PLIN3: variants seen among roughly 807,000 people sequenced by gnomAD.
The protein encoded by PLIN3 is perilipin 3.
PLIN3 carries 30 observed loss-of-function variants against 35.9 expected under a neutral mutation model. The observed-to-expected ratio is 0.84, with a 90% CI of 0.62 to 1.13. PLIN3 has a LOEUF of 1.13. PLIN3 is among the 50% of genes most tolerant of loss of function. PLIN3 has a pLI of 0.00. For missense variants in PLIN3, 603 were observed against 596.9 expected (o/e 1.01, Z -0.11); for synonymous variants, 261 against 262.5 (o/e 0.99, Z 0.06).
chr19:4,848,712 C>T (rs1159059223), intron 5 of PLIN3, among the ~76,000 whole-genome samples: 1 of 152,098 alleles, frequency 6.6e-6, no homozygotes, highest in Non-Finnish European at 1.5e-5. Context: ...ACTAAAAATA[C>T]AAAAATTAGC....
rs146526087 is a variant in PLIN3, at chr19:4,861,061, G to A, written c.66+268C>T. 3.3e-3 allele frequency among the ~76,000 whole-genome samples: 497 copies of A among 152,274 alleles called. 8 individuals are homozygous for A. The South Asian group carries it at 0.034, about 11-fold the overall frequency. The stretch of plus-strand genomic sequence containing the variant: ...GGACGTCCCTGAGAGAGCCTTCAGA[G>A]GTGAGGATGATTTGGCTCAGGGGTT... On this transcript the variant is annotated intron_variant, in intron 2 of 7. Transcript: ENST00000221957.
intron 2 of PLIN3, among the ~76,000 whole-genome samples, chr19:4,860,636 C>A (rs2030643810): frequency 6.6e-6 from 1 of 152,088 alleles, no homozygotes; most frequent in Non-Finnish European, 1.5e-5. Context: ...AGACCACAGC[C>A]CATGGGTCAC....
chr19:4,856,705 GT>G (rs1420037223), intron 4 of PLIN3, among the ~76,000 whole-genome samples: 107 of 126,316 alleles, frequency 8.5e-4, no homozygotes, highest in East Asian at 1.4e-3. Context: ...GAAGGAGGGT[GT>G]TTTTTTTTTT....
At chr19:4,867,023 T>G (rs1257798182) in intron 1 of PLIN3, 1 of 152,352 alleles carries the variant, frequency 6.6e-6, no homozygotes, top group Admixed American at 6.5e-5. Context: ...CCAAAGCAGT[T>G]AACGGATAGG....
At chr19:4,853,825 AAAAC>A (rs933215106) in intron 4 of PLIN3, among the ~76,000 whole-genome samples, 13 of 152,042 alleles carry the variant, frequency 8.6e-5, no homozygotes, top group South Asian at 4.2e-4. Context: ...AAAAAAAACA[AAAAC>A]AAACAAACAA....
intron 1 of PLIN3, among the ~76,000 whole-genome samples, chr19:4,866,012 C>T (rs2030842899): frequency 6.7e-6 from 1 of 148,752 alleles, no homozygotes; most frequent in South Asian, 2.1e-4. Context: ...CGTGAGCCAC[C>T]ATGCCCGGCC....
intron 5 of PLIN3, among the ~76,000 whole-genome samples, chr19:4,851,357 A>C (rs2146204953): frequency 6.6e-6 from 1 of 152,190 alleles, no homozygotes; most frequent in South Asian, 2.1e-4. Flanking sequence ...CCAGCTACTC[A>C]GGAGGATGAG....
chr19:4,839,814 C>T (rs374057308), intron 7 of PLIN3, among the ~76,000 whole-genome samples: 7 of 145,728 alleles, frequency 4.8e-5, no homozygotes, highest in African/African-American at 1.0e-4. Context: ...TACAGGCGCC[C>T]ACCACCACGC....
intron 4 of PLIN3, among the ~76,000 whole-genome samples, chr19:4,858,502 C>T (rs1247493749): frequency 6.6e-6 from 1 of 150,860 alleles, no homozygotes; most frequent in Non-Finnish European, 1.5e-5. Flanking sequence ...CTCAGCCTCC[C>T]GAGTAACTAG....
At chr19:4,858,884 T>G (rs1023811078) in intron 4 of PLIN3, among the ~76,000 whole-genome samples, 7 of 151,488 alleles carry the variant, frequency 4.6e-5, no homozygotes, top group Non-Finnish European at 8.8e-5. Context: ...GTATTTTTAG[T>G]AGAGACGGGG....
intron 7 of PLIN3, among the ~76,000 whole-genome samples, chr19:4,843,409 G>A (rs11085103): frequency 0.08 from 12,086 of 151,796 alleles, 591 homozygotes; most frequent in Middle Eastern, 0.24. Context: ...TCGGGAGGCT[G>A]AGGCAGGAGA....
At chr19:4,847,398 T>C (rs1320399406) in intron 6 of PLIN3, among the ~76,000 whole-genome samples, 1 of 152,086 alleles carries the variant, frequency 6.6e-6, no homozygotes, top group African/African-American at 2.4e-5. Context: ...TCTTGCTATA[T>C]TGCCCAGGTG....
At chr19:4,859,457 G>C in intron 4 of PLIN3, 133 bp downstream of exon 4, 1 of 761,168 alleles carries the variant, frequency 1.3e-6, no homozygotes, top group Non-Finnish European at 2.3e-6. Context: ...TGGATTCGGG[G>C]TGGGGATGGG....
At chr19:4,857,555 T>G (rs1340102766) in intron 4 of PLIN3, among the ~76,000 whole-genome samples, 1 of 151,774 alleles carries the variant, frequency 6.6e-6, no homozygotes, top group African/African-American at 2.4e-5. Flanking sequence ...GGTGACAGAG[T>G]GAGAACCTGT....
At position 4,839,462 on chromosome 19, in the gene PLIN3, C is replaced by T; in HGVS notation, c.1035G>A (p.Gly345=). ...TGGTGGGGAGGCCCTGAATGCTGGACCCCAGGGAGGTACAGGTGGCCTGCA... is the reference window on the plus strand; with the variant it reads ...TGGTGGGGAGGCCCTGAATGCTGGATCCCAGGGAGGTACAGGTGGCCTGCA... ...QQLQATCTSL[G]SSIQGLPTNV... The change falls in exon 8 of 8, where the codon GGG becomes GGA. Residue 345 remains glycine (G), a synonymous_variant. Transcript: ENST00000221957. The T allele has an allele frequency of 1.3e-6, 2 of 1,576,704 alleles. No homozygotes were observed. Among genetic ancestry groups the T allele is most frequent in the Non-Finnish European group, 8.7e-7 (1 of 1,156,014 alleles).
rs558125371 is a variant in PLIN3 at position 4,848,030 on chromosome 19, T to C, written c.635-140A>G. 350 of 699,486 alleles carry C rather than the reference T, an allele frequency of 5.0e-4. No homozygotes were observed. The African/African-American group carries it at 5.7e-3, about 11-fold the overall frequency. 43.3% of individuals were successfully genotyped at this position (699,486 alleles called of 1,614,324 possible). A position where few individuals can be genotyped will look rare whatever the true frequency, so the allele number is the denominator to read the frequency against. On this transcript the variant is annotated intron_variant, in intron 5 of 7. Transcript: ENST00000221957. ...ATGGAGTCTCGCTCTGTCGCCCAGG[T>C]TGGAGTGCAGTGGTGTCATCTCGGC...
intron 7 of PLIN3, among the ~76,000 whole-genome samples, chr19:4,843,104 C>T (rs148927781): frequency 6.6e-6 from 1 of 152,142 alleles, no homozygotes; most frequent in African/African-American, 2.4e-5. Flanking sequence ...TGCCTGTAAT[C>T]CCATCTACTG....
chr19:4,839,611 G>C, intron 7 of PLIN3, 75 bp from the exon 8 acceptor site: 2 of 1,142,862 alleles, frequency 1.7e-6, no homozygotes, highest in Non-Finnish European at 2.4e-6. Context: ...GCCAGGGAAA[G>C]AGGGGAAGAG....
At position 4,840,503 on chromosome 19, in the gene PLIN3, T is replaced by A. The variant is rs141742316; in HGVS notation, c.961-967A>T. Among the ~76,000 whole-genome samples, 67 of 152,254 alleles carry A rather than the reference T, an allele frequency of 4.4e-4. 1 individual carries two copies. The highest frequency in any genetic ancestry group is 1.6e-3 in the African/African-American group (65 of 41,566). On this transcript the variant is annotated intron_variant, in intron 7 of 7. Coordinates refer to ENST00000221957, the MANE Select transcript of PLIN3 (RefSeq NM_005817.5). ...CCTGGGCCCAAGTGACCTGCCCACT[T>A]CAGCCTCCCAAAATGCTGGAATTAC...
Sources: gnomAD v4.1 joint callset for allele counts (sites outside exome capture counted in the v4.1 genomes callset) on GRCh38, gnomAD v4.1.1 for gene constraint, MANE v1.5 for transcripts, NCBI Gene and HGNC (gene_info 2026-07-23, HGNC 2026-07-21) for gene names.